The following CNBD1 variants were observed in gnomAD, a reference collection of about 807,000 sequenced individuals.
The protein encoded by CNBD1 is cyclic nucleotide-binding domain-containing protein 1.
In CNBD1, 71 loss-of-function variants were observed where a neutral mutation model predicts 54.4. That is an observed-to-expected ratio of 1.30 (90% CI 1.08 to 1.59). The LOEUF (loss-of-function observed/expected upper bound fraction) is 1.59. Ranked by LOEUF, CNBD1 falls within the 40% of genes most tolerant of loss-of-function variation. The pLI, the probability that CNBD1 is intolerant of heterozygous loss-of-function variation, is 0.00. For missense variants in CNBD1, 659 were observed against 518.0 expected (o/e 1.27, Z -2.64); for synonymous variants, 182 against 170.7 (o/e 1.07, Z -0.51).
At position 87,351,759 on chromosome 8, in the gene CNBD1, AT is replaced by A; in HGVS notation, c.1119del (p.Ile374Ter). 1 of 1,476,624 alleles carries A rather than the reference AT, an allele frequency of 6.8e-7. No homozygotes were observed. Among genetic ancestry groups the A allele is most frequent in the Admixed American group, 2.5e-5 (1 of 39,534 alleles). The allele number at this position is 1,476,624 out of a possible 1,614,324, so 91.5% of individuals were successfully genotyped here. ...NSGCCNIYRS[I>X]IGFVKLRSNK... ...TGGATGCTGTAACATTTATAGAAGT[AT>A]TATAGGATTTGTGAAACTACGATCA... On this transcript the variant is annotated frameshift_variant, in exon 9 of 11. Coordinates refer to ENST00000518476, the MANE Select transcript of CNBD1 (RefSeq NM_173538.3). LOFTEE classifies it high-confidence loss of function.
intron 4 of CNBD1, among the ~76,000 whole-genome samples, chr8:87,039,645 A>G (rs1213454914): frequency 6.6e-6 from 1 of 152,230 alleles, no homozygotes; most frequent in Middle Eastern, 3.2e-3. Flanking sequence ...ATTGCAATAG[A>G]GAATGAGTTA....
chr8:87,368,446 G>A (rs977916205), intron 10 of CNBD1, among the ~76,000 whole-genome samples: 3 of 151,860 alleles, frequency 2.0e-5, no homozygotes, highest in Non-Finnish European at 4.4e-5. Context: ...GACTAGACTG[G>A]GCAACATAGT....
chr8:87,246,639 G>C (rs1418639951), intron 6 of CNBD1, among the ~76,000 whole-genome samples: 1 of 152,052 alleles, frequency 6.6e-6, no homozygotes, highest in Non-Finnish European at 1.5e-5. Flanking sequence ...AGGCTCCCCT[G>C]TCTTTCCATC....
intron 4 of CNBD1, among the ~76,000 whole-genome samples, chr8:86,957,807 AT>A (rs1208686971): frequency 6.6e-6 from 1 of 151,576 alleles, no homozygotes; most frequent in Admixed American, 6.6e-5. Flanking sequence ...TTTTTGTAGG[AT>A]TTTTTTGTGT....
At chr8:87,408,082 C>G (rs1387756431) in intron 2 of CNBD1, among the ~76,000 whole-genome samples, 1 of 151,984 alleles carries the variant, frequency 6.6e-6, no homozygotes, top group Non-Finnish European at 1.5e-5. Flanking sequence ...GTATTATCTT[C>G]TAGATATTCT....
rs1808842458 is a variant in CNBD1, at chr8:86,995,246, G to A, written c.431+55492G>A. ...CATAAATATTTATGAAACAGAATGGGAAGTTCTACAGTGGAGGCAGAAACC... is the reference window on the plus strand; with the variant it reads ...CATAAATATTTATGAAACAGAATGGAAAGTTCTACAGTGGAGGCAGAAACC... On this transcript the variant is annotated intron_variant, in intron 4 of 10. Coordinates refer to ENST00000518476, the MANE Select transcript of CNBD1 (RefSeq NM_173538.3). 3.9e-5 allele frequency among the ~76,000 whole-genome samples: 6 copies of A among 152,186 alleles called. No homozygotes were observed. The South Asian group carries it at 1.2e-3, about 32-fold the overall frequency.
In CNBD1 at chr8:87,241,772, AC is replaced by A. The variant is rs535536462; in HGVS notation, c.771+4661del. Among the ~76,000 whole-genome samples, 30 of 152,258 alleles carry A rather than the reference AC, an allele frequency of 2.0e-4. No individual in the cohort carries two copies. In the South Asian group the frequency reaches 5.9e-3, roughly 30 times the overall value. ...TAGGATATCAATACCTATTAAAAAA[AC>A]AAAATGATACTTATTTGTGATCATT... On this transcript the variant is annotated intron_variant, in intron 6 of 10. Coordinates refer to ENST00000518476, the MANE Select transcript of CNBD1 (RefSeq NM_173538.3).
chr8:87,344,475 A>G (rs1001089226), intron 8 of CNBD1, among the ~76,000 whole-genome samples: 1 of 152,080 alleles, frequency 6.6e-6, no homozygotes, highest in African/African-American at 2.4e-5. Context: ...TACTGTCACT[A>G]TTGTGTACAG....
chr8:87,118,692 G>C (rs570903254), intron 4 of CNBD1, among the ~76,000 whole-genome samples: 1 of 152,094 alleles, frequency 6.6e-6, no homozygotes, highest in African/African-American at 2.4e-5. Context: ...TCAAATGAAC[G>C]TTCGTTATAT....
At chr8:87,193,439 T>C (rs1326910293) in intron 4 of CNBD1, among the ~76,000 whole-genome samples, 1 of 152,240 alleles carries the variant, frequency 6.6e-6, no homozygotes, top group Non-Finnish European at 1.5e-5. Context: ...TTAGTCCGTC[T>C]TTAATTTGAC....
intron 4 of CNBD1, among the ~76,000 whole-genome samples, chr8:87,086,651 A>G (rs1159646818): frequency 6.6e-6 from 1 of 152,228 alleles, no homozygotes; most frequent in African/African-American, 2.4e-5. Flanking sequence ...AGGCCAAAAT[A>G]CTATTTATTT....
At chr8:86,886,242 A>G (rs890955280) in intron 1 of CNBD1, among the ~76,000 whole-genome samples, 2 of 152,190 alleles carry the variant, frequency 1.3e-5, no homozygotes, top group Non-Finnish European at 2.9e-5. Context: ...GATTTTATAT[A>G]TCAGAAATAT....
intron 2 of CNBD1, among the ~76,000 whole-genome samples, chr8:87,395,458 A>C: frequency 6.6e-6 from 1 of 151,966 alleles, no homozygotes; most frequent in South Asian, 2.1e-4. Flanking sequence ...TCATTTTCTA[A>C]TATGTGCCAA....
chr8:87,088,709 T>A (rs1811149414), intron 4 of CNBD1, among the ~76,000 whole-genome samples: 1 of 152,136 alleles, frequency 6.6e-6, no homozygotes, highest in Admixed American at 6.5e-5. Context: ...CTTCTCTTTA[T>A]AATAAAGGTA....
intron 4 of CNBD1, among the ~76,000 whole-genome samples, chr8:87,079,673 T>C (rs982058015): frequency 6.6e-6 from 1 of 152,180 alleles, no homozygotes; most frequent in African/African-American, 2.4e-5. Context: ...ACTTTTTATA[T>C]AGTTGTTTCT....
intron 4 of CNBD1, among the ~76,000 whole-genome samples, chr8:87,000,584 A>G (rs1185516103): frequency 1.3e-5 from 2 of 152,178 alleles, no homozygotes; most frequent in East Asian, 3.9e-4. Flanking sequence ...TGTGAAGATA[A>G]CACTAAAAAA....
chr8:87,276,606 T>C (rs563820441), intron 6 of CNBD1, among the ~76,000 whole-genome samples: 1 of 151,960 alleles, frequency 6.6e-6, no homozygotes, highest in South Asian at 2.1e-4. Context: ...CTTTATACCA[T>C]GGTGAAGTAG....
At chr8:87,340,809 A>T (rs1810049563) in intron 8 of CNBD1, among the ~76,000 whole-genome samples, 1 of 151,838 alleles carries the variant, frequency 6.6e-6, no homozygotes, top group Non-Finnish European at 1.5e-5. Flanking sequence ...TATTTTGTTC[A>T]CATATTGTTT....
At position 87,405,263 on chromosome 8, in the gene CNBD1, T is replaced by C. The variant is rs1807633512; in HGVS notation, c.214-23283T>C. Among the ~76,000 whole-genome samples, 4 of 151,994 alleles carry C rather than the reference T, an allele frequency of 2.6e-5. No individual in the cohort carries two copies. In the South Asian group the frequency reaches 8.3e-4, roughly 31 times the overall value. Reference sequence around the variant, plus strand: ...TTATATAATTTCTTAAGGCCAGTACTTAATTTATATACTTTTTATCAATAA... The same window carrying C: ...TTATATAATTTCTTAAGGCCAGTACCTAATTTATATACTTTTTATCAATAA... On this transcript the variant is annotated intron_variant, in intron 2 of 7. Transcript: ENST00000521593.
Sources: gnomAD v4.1 joint callset for allele counts (sites outside exome capture counted in the v4.1 genomes callset) on GRCh38, gnomAD v4.1.1 for gene constraint, MANE v1.5 for transcripts, NCBI Gene and HGNC (gene_info 2026-07-23, HGNC 2026-07-21) for gene names.